GIPC2: variants seen among roughly 807,000 people sequenced by gnomAD.
GIPC2 encodes the protein GIPC PDZ domain containing family member 2.
Under a neutral mutation model 30.6 loss-of-function variants are expected in GIPC2, and 30 were observed. That is an observed-to-expected ratio of 0.98 (90% CI 0.73 to 1.33). The LOEUF is 1.33. Ranked by LOEUF, GIPC2 falls within the 40% of genes most tolerant of loss-of-function variation. The pLI, the probability that GIPC2 is intolerant of heterozygous loss-of-function variation, is 0.00. For missense variants in GIPC2, 414 were observed against 390.3 expected, an observed-to-expected ratio of 1.06 and a Z score of -0.51; for synonymous variants, 167 against 150.0, an observed-to-expected ratio of 1.11 and a Z score of -0.83.
At chr1:78,126,115 C>A (rs893898489) in intron 5 of GIPC2, among the ~76,000 whole-genome samples, 153 bp downstream of exon 5, 1 of 152,166 alleles carries the variant, frequency 6.6e-6, no homozygotes. Flanking sequence ...ATAATGAAGA[C>A]CTGTTCCTTA....
At chr1:78,110,259 C>A (rs1662442725) in intron 3 of GIPC2, among the ~76,000 whole-genome samples, 1 of 151,834 alleles carries the variant, frequency 6.6e-6, no homozygotes, top group African/African-American at 2.4e-5. Context: ...TGAGAGATAT[C>A]TGAAAATGGG....
chr1:78,100,938 A>AG (rs1662235008), intron 3 of GIPC2, among the ~76,000 whole-genome samples: 1 of 114,764 alleles, frequency 8.7e-6, no homozygotes, highest in Non-Finnish European at 1.7e-5. Context: ...AAAAAAAAAA[A>AG]AATACACACA....
At chr1:78,128,526 A>G (rs952858068) in intron 5 of GIPC2, among the ~76,000 whole-genome samples, 1 of 152,236 alleles carries the variant, frequency 6.6e-6, no homozygotes, top group Non-Finnish European at 1.5e-5. Flanking sequence ...GTGTACATAA[A>G]TCAAATTTAG....
chr1:78,091,408 C>G (rs1313940392), intron 2 of GIPC2: 3 of 534,492 alleles, frequency 5.6e-6, no homozygotes, highest in Non-Finnish European at 1.0e-5. Context: ...GAGAGTGGAG[C>G]CGATAAGGCG....
intron 2 of GIPC2, among the ~76,000 whole-genome samples, chr1:78,088,719 C>T (rs1372825958): frequency 6.6e-6 from 1 of 151,826 alleles, no homozygotes; most frequent in Non-Finnish European, 1.5e-5. Flanking sequence ...TGGCATGCAC[C>T]TATAGTACCA....
chr1:78,091,596 TC>T (rs1271806186), intron 2 of GIPC2: 1 of 763,736 alleles, frequency 1.3e-6, no homozygotes, highest in African/African-American at 1.7e-5. Flanking sequence ...GCGATCTTCT[TC>T]GGGAATGCGT....
Position 78,138,148 on chromosome 1 carries a change from G to A in GIPC2, c.*2405G>A, listed in dbSNP as rs1663040343. 6.6e-6 allele frequency: 1 copy of A among 152,120 alleles called. No homozygotes were observed. Among genetic ancestry groups the A allele is most frequent in the African/African-American group, 2.4e-5 (1 of 41,426 alleles). 9.4% of individuals were successfully genotyped at this position (152,120 alleles called of 1,614,324 possible). A position where few individuals can be genotyped will look rare whatever the true frequency, so the allele number is the denominator to read the frequency against. On this transcript the variant is annotated 3_prime_UTR_variant, in exon 6 of 6. Transcript: ENST00000370759. ...CAGAAAATGCAAATGATAATTGTATGTTGGGCTCGATGAGGCCTTGAACAT... is the reference window on the plus strand; with the variant it reads ...CAGAAAATGCAAATGATAATTGTATATTGGGCTCGATGAGGCCTTGAACAT...
chr1:78,048,703 C>T (rs528580061), intron 1 of GIPC2, among the ~76,000 whole-genome samples: 5 of 152,198 alleles, frequency 3.3e-5, no homozygotes, highest in South Asian at 4.1e-4. Flanking sequence ...AACACAGACA[C>T]GGAGCCATTG....
Position 78,096,405 on chromosome 1 carries a change from A to G in GIPC2, c.607+1273A>G, listed in dbSNP as rs1662137435. Among the ~76,000 whole-genome samples the G allele has an allele frequency of 3.3e-5, 5 of 152,104 alleles. No individual in the cohort carries two copies. In the South Asian group the frequency reaches 1.0e-3, roughly 32 times the overall value. On this transcript the variant is annotated intron_variant, in intron 3 of 5. Transcript: ENST00000370759. ...TTGATTTAGACTCTTTGTAAATCAAAGCCATTCTATTAGCATAACTCAAGA... is the reference window on the plus strand; with the variant it reads ...TTGATTTAGACTCTTTGTAAATCAAGGCCATTCTATTAGCATAACTCAAGA...
At chr1:78,103,893 T>C (rs1330606961) in intron 3 of GIPC2, among the ~76,000 whole-genome samples, 6 of 152,310 alleles carry the variant, frequency 3.9e-5, no homozygotes, top group African/African-American at 1.2e-4. Context: ...CCTGTTCTCA[T>C]GAAAGGCGAC....
intron 3 of GIPC2, among the ~76,000 whole-genome samples, chr1:78,117,097 A>C (rs926704826): frequency 2.6e-5 from 4 of 152,234 alleles, no homozygotes; most frequent in Non-Finnish European, 5.9e-5. Context: ...CAATCTACTC[A>C]TCTGACAAAG....
At chr1:78,125,797 C>G (rs978174976) in intron 4 of GIPC2, 84 bp from the exon 5 acceptor site, 22 of 728,634 alleles carry the variant, frequency 3.0e-5, no homozygotes, top group Non-Finnish European at 5.2e-5. Flanking sequence ...TGAACCGGCT[C>G]CACATCAGGC....
chr1:78,134,142 G>A (rs572715081), intron 5 of GIPC2, among the ~76,000 whole-genome samples: 2 of 152,262 alleles, frequency 1.3e-5, no homozygotes, highest in East Asian at 3.9e-4. Context: ...TGAGGAATGT[G>A]TATACACATG....
intron 1 of GIPC2, among the ~76,000 whole-genome samples, chr1:78,073,105 G>C (rs1287606709): frequency 6.7e-6 from 1 of 149,734 alleles, no homozygotes; most frequent in South Asian, 2.1e-4. Flanking sequence ...CACCATGCCC[G>C]GCCTTTTTTT....
intron 2 of GIPC2, among the ~76,000 whole-genome samples, chr1:78,091,120 AG>A (rs1662029136): frequency 6.6e-6 from 1 of 152,210 alleles, no homozygotes. Flanking sequence ...CCTCTGTTTA[AG>A]ACCTAATTCT....
At chr1:78,117,940 CTCTTTTCTTT>C (rs1001488050) in intron 3 of GIPC2, among the ~76,000 whole-genome samples, 7 of 151,950 alleles carry the variant, frequency 4.6e-5, no homozygotes, top group African/African-American at 9.7e-5. Flanking sequence ...TTCTCTCTCT[CTCTTTTCTTT>C]TCTTTTCTTT....
intron 3 of GIPC2, among the ~76,000 whole-genome samples, chr1:78,101,784 T>C (rs1189674555): frequency 2.6e-5 from 4 of 152,158 alleles, no homozygotes; most frequent in Non-Finnish European, 5.9e-5. Flanking sequence ...TTTCTCCTTT[T>C]GCCAATGAAA....
upstream of GIPC2, chr1:78,045,795 A>G: frequency 2.6e-6 from 3 of 1,162,568 alleles, no homozygotes; most frequent in Non-Finnish European, 3.2e-6. Flanking sequence ...CGGCATCCTC[A>G]GGCGTTCACG....
chr1:78,085,862 T>C (rs1412024614), intron 2 of GIPC2, among the ~76,000 whole-genome samples: 1 of 151,048 alleles, frequency 6.6e-6, no homozygotes, highest in Non-Finnish European at 1.5e-5. Context: ...ATTTTTTTCA[T>C]AAAACCAACT....
Sources: gnomAD v4.1 joint callset for allele counts (sites outside exome capture counted in the v4.1 genomes callset) on GRCh38, gnomAD v4.1.1 for gene constraint, MANE v1.5 for transcripts, NCBI Gene and HGNC (gene_info 2026-07-23, HGNC 2026-07-21) for gene names.